GNA14: variants seen among roughly 807,000 people sequenced by gnomAD.
GNA14 encodes guanine nucleotide-binding protein subunit alpha-14.
In GNA14, 50 loss-of-function variants were observed where a neutral mutation model predicts 42.0. The ratio of observed to expected loss-of-function variants is 1.19; its 90% CI spans 0.95 to 1.51. GNA14 has a LOEUF of 1.51. GNA14 is among the 40% of genes most tolerant of loss of function. The pLI is 0.00. For missense variants in GNA14, 473 were observed against 446.2 expected (o/e 1.06, Z -0.54); for synonymous variants, 173 against 163.1 (o/e 1.06, Z -0.46).
At chr9:77,508,641 A>G (rs1837108770) in intron 2 of GNA14, among the ~76,000 whole-genome samples, 1 of 152,194 alleles carries the variant, frequency 6.6e-6, no homozygotes, top group African/African-American at 2.4e-5. Context: ...GCATGTAACA[A>G]CCAAATACAT....
At chr9:77,555,922 T>C (rs1822768934) in intron 1 of GNA14, among the ~76,000 whole-genome samples, 1 of 152,170 alleles carries the variant, frequency 6.6e-6, no homozygotes, top group Admixed American at 6.6e-5. Context: ...ATGAGTCTCA[T>C]AATACCATTT....
At chr9:77,613,527 G>A (rs567390625) in intron 1 of GNA14, among the ~76,000 whole-genome samples, 21 of 152,310 alleles carry the variant, frequency 1.4e-4, no homozygotes, top group South Asian at 6.2e-4. Context: ...TAACAGCGTA[G>A]ATCTTAAGTG....
intron 1 of GNA14, among the ~76,000 whole-genome samples, chr9:77,568,488 T>C (rs1823006994): frequency 2.1e-5 from 2 of 96,160 alleles, no homozygotes; most frequent in African/African-American, 4.5e-5. Flanking sequence ...AGAGACTCCA[T>C]CTCAAAAAAA....
chr9:77,565,747 C>A (rs560072025), intron 1 of GNA14, among the ~76,000 whole-genome samples: 1 of 152,124 alleles, frequency 6.6e-6, no homozygotes, highest in African/African-American at 2.4e-5. Context: ...CGTGAGCCAC[C>A]GTGCCCAGCA....
chr9:77,467,263 G>C (rs1025853627), intron 2 of GNA14, among the ~76,000 whole-genome samples: 19 of 151,862 alleles, frequency 1.3e-4, no homozygotes, highest in African/African-American at 4.6e-4. Context: ...TTGCTGAGCT[G>C]GGGTTTTGCT....
intron 2 of GNA14, among the ~76,000 whole-genome samples, chr9:77,478,554 G>T (rs1226821334): frequency 1.3e-5 from 2 of 152,236 alleles, no homozygotes; most frequent in Non-Finnish European, 2.9e-5. Context: ...GTAATGGGAT[G>T]GCTGGGTCAA....
At chr9:77,540,492 G>T (rs111264558) in intron 1 of GNA14, among the ~76,000 whole-genome samples, 74 of 152,152 alleles carry the variant, frequency 4.9e-4, no homozygotes, top group African/African-American at 1.7e-3. Flanking sequence ...GGTCAATTTG[G>T]TCTAAAGTCC....
intron 1 of GNA14, among the ~76,000 whole-genome samples, chr9:77,536,740 A>G (rs1297197744): frequency 1.3e-5 from 2 of 152,218 alleles, no homozygotes; most frequent in Non-Finnish European, 2.9e-5. Context: ...GCTACTTTCT[A>G]TCATCTTTGG....
chr9:77,575,612 G>T (rs1249886370), intron 1 of GNA14, among the ~76,000 whole-genome samples: 1 of 152,110 alleles, frequency 6.6e-6, no homozygotes, highest in African/African-American at 2.4e-5. Context: ...AATGTCTGAA[G>T]ACAGGCCCAG....
chr9:77,565,169 A>G (rs961656016), intron 1 of GNA14, among the ~76,000 whole-genome samples: 5 of 152,194 alleles, frequency 3.3e-5, no homozygotes, highest in African/African-American at 4.8e-5. Context: ...TTTCTTCTGA[A>G]TCAAAGTATT....
chr9:77,624,049 T>C (rs955726426), intron 1 of GNA14, among the ~76,000 whole-genome samples: 6 of 152,154 alleles, frequency 3.9e-5, no homozygotes, highest in Non-Finnish European at 5.9e-5. Flanking sequence ...CACAGCAGTC[T>C]GAGGTCGACC....
chr9:77,465,270 A>G (rs1036718834), intron 2 of GNA14, among the ~76,000 whole-genome samples: 1 of 152,208 alleles, frequency 6.6e-6, no homozygotes, highest in African/African-American at 2.4e-5. Context: ...ACACCACACA[A>G]TATGGAATCC....
chr9:77,528,389 C>T (rs1280042891), intron 2 of GNA14, among the ~76,000 whole-genome samples: 2 of 152,078 alleles, frequency 1.3e-5, no homozygotes, highest in Non-Finnish European at 2.9e-5. Flanking sequence ...GTATTATTCT[C>T]CTCTGGATTT....
chr9:77,518,020 A>G (rs1230097115), intron 2 of GNA14: 2 of 152,202 alleles, frequency 1.3e-5, no homozygotes, highest in African/African-American at 4.8e-5. Flanking sequence ...CTTATTAACT[A>G]GGAAGCCCAA....
intron 2 of GNA14, among the ~76,000 whole-genome samples, chr9:77,497,343 G>C (rs145478239): frequency 6.6e-6 from 1 of 152,152 alleles, no homozygotes; most frequent in Non-Finnish European, 1.5e-5. Flanking sequence ...GGGAGATGGT[G>C]ACCACACTAG....
intron 1 of GNA14, among the ~76,000 whole-genome samples, chr9:77,534,140 C>T (rs1837565171): frequency 6.6e-6 from 1 of 152,194 alleles, no homozygotes. Context: ...ATGACTTCAG[C>T]AATATTTCAA....
chr9:77,475,389 G>A (rs1435974239), intron 2 of GNA14, among the ~76,000 whole-genome samples: 3 of 152,194 alleles, frequency 2.0e-5, no homozygotes, highest in Admixed American at 6.5e-5. Context: ...TTAGTTGGAT[G>A]ACAGGGCTTG....
intron 2 of GNA14, among the ~76,000 whole-genome samples, chr9:77,515,074 T>C (rs1837229579): frequency 6.6e-6 from 1 of 152,122 alleles, no homozygotes; most frequent in Non-Finnish European, 1.5e-5. Context: ...GGCTGGACAC[T>C]GCGAGAGACA....
intron 1 of GNA14, among the ~76,000 whole-genome samples, chr9:77,604,949 G>T (rs1823626322): frequency 6.6e-6 from 1 of 152,184 alleles, no homozygotes; most frequent in Non-Finnish European, 1.5e-5. Flanking sequence ...CTCGTGCCAT[G>T]TCACAGAAAT....
Sources: allele counts gnomAD v4.1 joint callset (sites outside exome capture counted in the v4.1 genomes callset), GRCh38; gene constraint gnomAD v4.1.1; transcripts MANE v1.5; gene names NCBI Gene and HGNC (gene_info 2026-07-23, HGNC 2026-07-21).